The following MACROD2 variants were observed in gnomAD, a reference collection of about 807,000 sequenced individuals.
The protein encoded by MACROD2 is mono-ADP ribosylhydrolase 2, also known as ADP-ribose glycohydrolase MACROD2.
Under a neutral mutation model 70.4 loss-of-function variants are expected in MACROD2, and 36 were observed. That is an observed-to-expected ratio of 0.51 (90% confidence interval 0.39 to 0.68). The LOEUF is 0.68. Among genes scored for constraint, MACROD2 ranks in the 30% least tolerant of loss-of-function variants. The pLI, the probability that MACROD2 is intolerant of heterozygous loss-of-function variation, is 0.00. For missense variants in MACROD2, 496 were observed against 538.4 expected, an observed-to-expected ratio of 0.92 and a Z score of 0.78; for synonymous variants, 172 against 178.8, an observed-to-expected ratio of 0.96 and a Z score of 0.30.
At chr20:14,270,587 CAA>C (rs11480264) in intron 3 of MACROD2, among the ~76,000 whole-genome samples, 5 of 124,772 alleles carry the variant, frequency 4.0e-5, no homozygotes, top group African/African-American at 6.4e-5. Context: ...GACTCCATCT[CAA>C]AAAAAAAAAA....
intron 5 of MACROD2, among the ~76,000 whole-genome samples, chr20:14,824,521 T>G (rs2122217452): frequency 6.6e-6 from 1 of 152,050 alleles, no homozygotes; most frequent in Non-Finnish European, 1.5e-5. Flanking sequence ...TCCATGGTGG[T>G]TTAATATACA....
chr20:14,721,128 G>A (rs532746202), intron 5 of MACROD2, among the ~76,000 whole-genome samples: 13 of 151,478 alleles, frequency 8.6e-5, no homozygotes, highest in East Asian at 3.9e-4. Context: ...GGCGTTGGGC[G>A]CCTGTAGTCC....
chr20:14,611,877 A>G (rs559692244), intron 4 of MACROD2, among the ~76,000 whole-genome samples: 1 of 152,234 alleles, frequency 6.6e-6, no homozygotes, highest in East Asian at 1.9e-4. Flanking sequence ...TAAATTTGCA[A>G]CCTTTTAAAA....
At chr20:14,485,623 C>A (rs1168630168) in intron 3 of MACROD2, among the ~76,000 whole-genome samples, 1 of 130,010 alleles carries the variant, frequency 7.7e-6, no homozygotes, top group Non-Finnish European at 1.6e-5. Context: ...ATGACGTGAA[C>A]CCAGGAGGCG....
chr20:15,854,721 C>T (rs1470484196), intron 8 of MACROD2, among the ~76,000 whole-genome samples: 1 of 152,152 alleles, frequency 6.6e-6, no homozygotes, highest in Non-Finnish European at 1.5e-5. Flanking sequence ...GACCCAGGCA[C>T]CCCAATTTCT....
intron 3 of MACROD2, among the ~76,000 whole-genome samples, chr20:14,096,886 T>A (rs1275210645): frequency 6.6e-6 from 1 of 152,216 alleles, no homozygotes; most frequent in Non-Finnish European, 1.5e-5. Context: ...ATGGGAAGTT[T>A]AGTGCCTTTC....
chr20:14,126,831 A>G (rs985985724), intron 3 of MACROD2, among the ~76,000 whole-genome samples: 2 of 152,062 alleles, frequency 1.3e-5, no homozygotes, highest in Non-Finnish European at 2.9e-5. Flanking sequence ...CTTAATCTAT[A>G]AATGTGTGTG....
chr20:14,996,331 C>T (rs997352142), intron 5 of MACROD2, among the ~76,000 whole-genome samples: 3 of 152,158 alleles, frequency 2.0e-5, no homozygotes, highest in Non-Finnish European at 2.9e-5. Flanking sequence ...CCACTGAAGC[C>T]TACCTCCAGG....
At position 14,227,675 on chromosome 20, in the gene MACROD2, C is replaced by T. The variant is rs539668006; in HGVS notation, c.271+141947C>T. Among the ~76,000 whole-genome samples, 485 of 152,344 alleles carry T rather than the reference C, an allele frequency of 3.2e-3. 1 individual carries two copies. Among genetic ancestry groups the T allele is most frequent in the Non-Finnish European group, 4.6e-3 (316 of 68,026 alleles). On this transcript the variant is annotated intron_variant, in intron 3 of 17. Coordinates refer to ENST00000684519, the MANE Select transcript of MACROD2 (RefSeq NM_001351661.2). ...GGCTTCATTCTTGAAGTCAGTGAGACCAAGGACCCACCAATTCCGGATACA... is the reference window on the plus strand; with the variant it reads ...GGCTTCATTCTTGAAGTCAGTGAGATCAAGGACCCACCAATTCCGGATACA...
intron 9 of MACROD2, among the ~76,000 whole-genome samples, chr20:15,882,010 T>C (rs1351990830): frequency 6.6e-6 from 1 of 152,118 alleles, no homozygotes; most frequent in Non-Finnish European, 1.5e-5. Flanking sequence ...GCACTTGACA[T>C]ATAATCCTAA....
At chr20:15,175,352 A>G (rs1195692067) in intron 5 of MACROD2, among the ~76,000 whole-genome samples, 4 of 151,862 alleles carry the variant, frequency 2.6e-5, no homozygotes, top group African/African-American at 9.7e-5. Context: ...TGGGTGCAGC[A>G]CACCAGCATG....
intron 15 of MACROD2, among the ~76,000 whole-genome samples, chr20:16,004,612 C>G (rs755953697): frequency 6.6e-6 from 1 of 152,228 alleles, no homozygotes; most frequent in East Asian, 1.9e-4. Flanking sequence ...CACTAGCTCT[C>G]TTATACTCTC....
chr20:15,936,427 TATAC>T (rs2065661736), intron 11 of MACROD2, among the ~76,000 whole-genome samples: 1 of 148,268 alleles, frequency 6.7e-6, no homozygotes, highest in Admixed American at 6.8e-5. Flanking sequence ...AAACTATATA[TATAC>T]TATATATGTA....
chr20:14,021,567 A>T (rs1335303751), intron 2 of MACROD2, among the ~76,000 whole-genome samples: 2 of 152,150 alleles, frequency 1.3e-5, no homozygotes, highest in African/African-American at 2.4e-5. Context: ...AAGTTTGTTC[A>T]GGCAGTTTCT....
intron 5 of MACROD2, among the ~76,000 whole-genome samples, chr20:14,916,613 G>T (rs1328762531): frequency 6.6e-6 from 1 of 152,164 alleles, no homozygotes; most frequent in African/African-American, 2.4e-5. Context: ...AAATAGATAT[G>T]TGAGTGCATA....
intron 5 of MACROD2, among the ~76,000 whole-genome samples, chr20:14,704,197 T>G (rs767292190): frequency 3.3e-5 from 5 of 152,158 alleles, no homozygotes; most frequent in Admixed American, 6.5e-5. Context: ...TATTAATACC[T>G]CTCCTCAGCA....
At chr20:15,390,181 C>T (rs1028769106) in intron 6 of MACROD2, among the ~76,000 whole-genome samples, 2 of 152,090 alleles carry the variant, frequency 1.3e-5, no homozygotes, top group Admixed American at 6.5e-5. Flanking sequence ...AGGAGCTCAC[C>T]GACAGTCCCT....
chr20:15,443,695 C>T (rs1218727065), intron 7 of MACROD2, among the ~76,000 whole-genome samples: 1 of 152,106 alleles, frequency 6.6e-6, no homozygotes, highest in East Asian at 1.9e-4. Context: ...CTGTTATATT[C>T]CAGCACCTAG....
chr20:15,673,873 G>A (rs1030679230), intron 8 of MACROD2, among the ~76,000 whole-genome samples: 6 of 151,840 alleles, frequency 4.0e-5, no homozygotes, highest in African/African-American at 1.5e-4. Flanking sequence ...CGTCTGCCCT[G>A]TCCAGTACAT....
Sources: gnomAD v4.1 joint callset for allele counts (sites outside exome capture counted in the v4.1 genomes callset) on GRCh38, gnomAD v4.1.1 for gene constraint, MANE v1.5 for transcripts, NCBI Gene and HGNC (gene_info 2026-07-23, HGNC 2026-07-21) for gene names.